The following NPAS3 variants were observed in gnomAD, a reference collection of about 807,000 sequenced individuals.
NPAS3 encodes the protein neuronal PAS domain-containing protein 3.
NPAS3 carries 14 observed loss-of-function variants against 73.1 expected under a neutral mutation model. That is an observed-to-expected ratio of 0.19 (90% CI 0.13 to 0.30). The LOEUF (loss-of-function observed/expected upper bound fraction) is 0.30, where lower values mean the gene tolerates loss of function less well. Among genes scored for constraint, NPAS3 ranks in the 10% least tolerant of loss-of-function variants. The probability of loss-of-function intolerance (pLI) is 1.00; values close to 1 mark genes in which losing one functional copy is unlikely to be tolerated. For synonymous variants in NPAS3, 620 were observed against 541.5 expected (o/e 1.14, Z -2.01); for missense variants, 1,096 against 1,250.0 (o/e 0.88, Z 1.86).
At chr14:33,359,265 G>A (rs2045482833) in intron 3 of NPAS3, among the ~76,000 whole-genome samples, 1 of 152,188 alleles carries the variant, frequency 6.6e-6, no homozygotes, top group Non-Finnish European at 1.5e-5. Flanking sequence ...TCGTATCAGT[G>A]GCCTAGGAAG....
intron 4 of NPAS3, among the ~76,000 whole-genome samples, chr14:33,515,737 G>A (rs537227346): frequency 3.3e-5 from 5 of 152,000 alleles, no homozygotes; most frequent in Non-Finnish European, 7.4e-5. Context: ...CAACAGCACT[G>A]GACACCACTG....
chr14:33,127,102 A>AT (rs397852552), intron 2 of NPAS3, among the ~76,000 whole-genome samples: 58 of 150,938 alleles, frequency 3.8e-4, no homozygotes, highest in African/African-American at 1.4e-3. Flanking sequence ...AAAAAAAAAA[A>AT]CTCTAAATAA....
rs1595529916 is a variant in NPAS3 at position 33,738,694 on chromosome 14, T to G, written c.852+3362T>G. Among the ~76,000 whole-genome samples, 11 of 152,336 alleles carry G rather than the reference T, an allele frequency of 7.2e-5. No individual in the cohort carries two copies. The South Asian group carries it at 2.3e-3, about 32-fold the overall frequency. On this transcript the variant is annotated intron_variant, in intron 7 of 11. Coordinates refer to ENST00000356141, the Ensembl canonical transcript of NPAS3. ...ATGAGCTGACATTCAGTTGTTTCTG[T>G]CCTCATTTGCTTTGAAATCCACAGT...
At chr14:33,363,326 T>G (rs2045691914) in intron 3 of NPAS3, among the ~76,000 whole-genome samples, 1 of 152,202 alleles carries the variant, frequency 6.6e-6, no homozygotes, top group Non-Finnish European at 1.5e-5. Context: ...GGATCCAGAT[T>G]AGAACTTTCC....
At position 32,957,418 on chromosome 14, in the gene NPAS3, C is replaced by CTGGA. The variant is rs780359696; in HGVS notation, c.50+18053_50+18056dup. On this transcript the variant is annotated intron_variant, in intron 1 of 11. Coordinates refer to ENST00000356141, the Ensembl canonical transcript of NPAS3. ...ATGGAGTCTCGCTCTGTGGCGCAGG[C>CTGGA]TGGAGTGCAGTGGTGCGATCTCGGC... Among the ~76,000 whole-genome samples the CTGGA allele has an allele frequency of 1.0e-3, 151 of 148,908 alleles. 1 individual carries two copies. Among genetic ancestry groups the CTGGA allele is most frequent in the Non-Finnish European group, 1.5e-3 (102 of 67,696 alleles).
intron 1 of NPAS3, among the ~76,000 whole-genome samples, chr14:32,957,522 C>T (rs1386261055): frequency 1.3e-5 from 2 of 151,990 alleles, no homozygotes; most frequent in Non-Finnish European, 2.9e-5. Flanking sequence ...CAGGTGCCCA[C>T]CACCACGCCC....
At chr14:33,543,505 G>A (rs1209657347) in intron 4 of NPAS3, among the ~76,000 whole-genome samples, 1 of 152,118 alleles carries the variant, frequency 6.6e-6, no homozygotes, top group East Asian at 1.9e-4. Context: ...TCTGTTTCCA[G>A]TATTTGGGGG....
chr14:33,794,173 C>A, intron 10 of NPAS3, 129 bp downstream of exon 10: 2 of 756,446 alleles, frequency 2.6e-6, no homozygotes, highest in South Asian at 1.8e-5. Context: ...AATTTCATGG[C>A]AATTCTGCTG....
At position 33,544,819 on chromosome 14, in the gene NPAS3, TAA is replaced by T. The variant is rs1491256205; in HGVS notation, c.469-15301_469-15300del. Among the ~76,000 whole-genome samples the T allele has an allele frequency of 9.3e-5, 9 of 96,812 alleles. 1 individual carries two copies. Among genetic ancestry groups the T allele is most frequent in the African/African-American group, 5.6e-4 (9 of 16,170 alleles). The allele number at this position is 96,812 out of a possible 152,430, so 63.5% of individuals were successfully genotyped here. ...ATATATATATATATATATGTATATA[TAA>T]TATATATGTGTATATATATATTATA... On this transcript the variant is annotated intron_variant, in intron 4 of 11. Transcript: ENST00000356141.
At chr14:33,301,641 T>C (rs1482542721) in intron 3 of NPAS3, among the ~76,000 whole-genome samples, 2 of 152,124 alleles carry the variant, frequency 1.3e-5, no homozygotes, top group Non-Finnish European at 2.9e-5. Flanking sequence ...AAAGTGTATA[T>C]GCTTTTGTAG....
intron 4 of NPAS3, among the ~76,000 whole-genome samples, chr14:33,426,169 G>A (rs1223588638): frequency 2.0e-5 from 3 of 152,056 alleles, no homozygotes; most frequent in Non-Finnish European, 4.4e-5. Context: ...GATGAACTGA[G>A]AAAGGAGATG....
intron 7 of NPAS3, among the ~76,000 whole-genome samples, chr14:33,757,987 G>A (rs772319100): frequency 6.6e-5 from 10 of 152,174 alleles, no homozygotes; most frequent in Non-Finnish European, 1.5e-4. Context: ...ACAGAGCACT[G>A]CCTTATAAAG....
At chr14:33,371,597 G>C (rs1010946451) in intron 4 of NPAS3, among the ~76,000 whole-genome samples, 3 of 152,004 alleles carry the variant, frequency 2.0e-5, no homozygotes, top group African/African-American at 7.3e-5. Flanking sequence ...CTATACTATG[G>C]ATGTATCATA....
chr14:33,671,597 C>T (rs559781649), intron 5 of NPAS3, among the ~76,000 whole-genome samples: 10 of 152,148 alleles, frequency 6.6e-5, no homozygotes, highest in Non-Finnish European at 1.0e-4. Context: ...AAACAAAATG[C>T]TGTTTCTGGA....
chr14:33,288,319 G>T (rs1400957844), intron 3 of NPAS3, among the ~76,000 whole-genome samples: 2 of 151,946 alleles, frequency 1.3e-5, no homozygotes, highest in African/African-American at 2.4e-5. Flanking sequence ...ATGTGTTAAG[G>T]CCAGACTTTG....
chr14:33,349,435 C>T (rs1316802523), intron 3 of NPAS3, among the ~76,000 whole-genome samples: 1 of 152,128 alleles, frequency 6.6e-6, no homozygotes, highest in Non-Finnish European at 1.5e-5. Context: ...TTTTATTTAA[C>T]AAATTAACTA....
intron 2 of NPAS3, among the ~76,000 whole-genome samples, chr14:33,070,298 T>C (rs2041440174): frequency 6.6e-6 from 1 of 152,108 alleles, no homozygotes; most frequent in African/African-American, 2.4e-5. Context: ...TTTCATGTAG[T>C]TGTTGTTTTT....
intron 5 of NPAS3, among the ~76,000 whole-genome samples, chr14:33,673,839 C>T (rs879368520): frequency 1.1e-4 from 16 of 152,202 alleles, no homozygotes; most frequent in Non-Finnish European, 2.2e-4. Context: ...TCCAAGGTCA[C>T]ACAACTGAGG....
chr14:33,297,802 C>T (rs930625741), intron 3 of NPAS3, among the ~76,000 whole-genome samples: 1 of 152,140 alleles, frequency 6.6e-6, no homozygotes, highest in Non-Finnish European at 1.5e-5. Flanking sequence ...GTGTTGGAGC[C>T]TTGTGCTGCT....
Sources: gnomAD v4.1 joint callset for allele counts (sites outside exome capture counted in the v4.1 genomes callset) on GRCh38, gnomAD v4.1.1 for gene constraint, MANE v1.5 for transcripts, NCBI Gene and HGNC (gene_info 2026-07-23, HGNC 2026-07-21) for gene names.